Variants in IQCE observed in about 807,000 individuals in gnomAD.
IQCE encodes the protein IQ domain-containing protein E.
IQCE carries 115 observed loss-of-function variants against 96.0 expected under a neutral mutation model. That is an observed-to-expected ratio of 1.20 (90% CI 1.03 to 1.40). The LOEUF (loss-of-function observed/expected upper bound fraction) is 1.40, where lower values mean the gene tolerates loss of function less well. IQCE is among the 40% of genes most tolerant of loss of function. The pLI, the probability that IQCE is intolerant of heterozygous loss-of-function variation, is 0.00. For missense variants in IQCE, 1,041 were observed against 909.1 expected (o/e 1.15, Z -1.87); for synonymous variants, 412 against 371.2 (o/e 1.11, Z -1.26).
At chr7:2,606,031 C>A in intron 20 of IQCE, 34 bp downstream of exon 20, 1 of 1,584,474 alleles carries the variant, frequency 6.3e-7, no homozygotes, top group Non-Finnish European at 8.6e-7. Context: ...GGGACACAGA[C>A]ATGGCACGAG....
chr7:2,592,487 C>G (rs573334212), intron 14 of IQCE, among the ~76,000 whole-genome samples: 180 of 152,370 alleles, frequency 1.2e-3, no homozygotes, highest in African/African-American at 4.2e-3. Flanking sequence ...CAGAGACTCA[C>G]AGGCCCTGAG....
chr7:2,571,470 G>A (rs1418026102), intron 3 of IQCE, 56 bp from the exon 4 acceptor site: 2 of 1,599,398 alleles, frequency 1.3e-6, no homozygotes, highest in Non-Finnish European at 1.7e-6. Flanking sequence ...AAGTTCATGT[G>A]TTGAGCTCAC....
At chr7:2,561,237 C>T (rs570306083) in intron 1 of IQCE, among the ~76,000 whole-genome samples, 83 of 152,214 alleles carry the variant, frequency 5.5e-4, no homozygotes, top group African/African-American at 1.9e-3. Context: ...GGATTACAGG[C>T]GTGAGCCATT....
At chr7:2,595,376 A>G (rs1425293189) in intron 16 of IQCE, among the ~76,000 whole-genome samples, 1 of 152,074 alleles carries the variant, frequency 6.6e-6, no homozygotes, top group Non-Finnish European at 1.5e-5. Flanking sequence ...TCCAGAACAC[A>G]AGTTGGCAAA....
In IQCE at chr7:2,578,235, TC is replaced by T. The variant is rs774645908; in HGVS notation, c.466-6del. 82 of 1,609,526 alleles carry T rather than the reference TC, an allele frequency of 5.1e-5. No individual in the cohort carries two copies. In the East Asian group the frequency reaches 8.9e-4, roughly 17 times the overall value. ...GGATGGCTGTGCATGGCCCTTGTTT[TC>T]TTCAGTCATTGCACGTGCAGAAGAG... On this transcript the variant is annotated splice_region_variant and splice_polypyrimidine_tract_variant and intron_variant, in intron 6 of 21. Coordinates refer to ENST00000402050, the MANE Select transcript of IQCE (RefSeq NM_152558.5).
chr7:2,608,153 G>T (rs916562629), intron 21 of IQCE, among the ~76,000 whole-genome samples: 6 of 152,224 alleles, frequency 3.9e-5, no homozygotes, highest in African/African-American at 7.2e-5. Flanking sequence ...TAATTTGAAT[G>T]TCCCTTCAGG....
chr7:2,580,837 CTGAGGGGCACGCAAGCGGAAACAGGA>C (rs1364061262), intron 8 of IQCE, among the ~76,000 whole-genome samples: 2 of 152,166 alleles, frequency 1.3e-5, no homozygotes, highest in African/African-American at 2.4e-5. Context: ...GAACCAGGTG[CTGAGGGGCACGCAAGCGGAAACAGGA>C]TTTGGTTGGC....
intron 19 of IQCE, among the ~76,000 whole-genome samples, chr7:2,605,342 C>T (rs1027207450): frequency 9.2e-5 from 14 of 152,158 alleles, no homozygotes; most frequent in African/African-American, 2.2e-4. Flanking sequence ...TATAGTAGGC[C>T]GGGCGCGGTG....
rs1785223305 is a variant in IQCE, at chr7:2,614,571, G to T, written c.*4409G>T. 1 of 152,258 alleles carries T rather than the reference G, an allele frequency of 6.6e-6. No individual in the cohort carries two copies. Among genetic ancestry groups the T allele is most frequent in the African/African-American group, 2.4e-5 (1 of 41,462 alleles). 9.4% of individuals were successfully genotyped at this position (152,258 alleles called of 1,614,324 possible). ...TGTCAAGATGGCTTAGGAGAGGAAG[G>T]AGTGGACCCGCTGGTCTTTGGCATT... On this transcript the variant is annotated 3_prime_UTR_variant, in exon 22 of 22. Coordinates refer to ENST00000402050, the MANE Select transcript of IQCE (RefSeq NM_152558.5).
intron 8 of IQCE, among the ~76,000 whole-genome samples, chr7:2,581,463 C>T (rs934375973): frequency 6.6e-6 from 1 of 151,800 alleles, no homozygotes; most frequent in African/African-American, 2.4e-5. Context: ...GCCTTGGCTT[C>T]CCAAAGTGCT....
chr7:2,605,774 T>G (rs1364685608), intron 19 of IQCE, 102 bp from the exon 20 acceptor site: 1 of 1,242,154 alleles, frequency 8.1e-7, no homozygotes, highest in Non-Finnish European at 1.1e-6. Context: ...GAAACTGAGC[T>G]CTTCCTGTCT....
At chr7:2,572,671 C>T (rs1217165766) in intron 5 of IQCE, 1 of 475,608 alleles carries the variant, frequency 2.1e-6, no homozygotes. Flanking sequence ...CCAAGTCGCA[C>T]CAAAGAGAAT....
In IQCE at chr7:2,612,040, A is replaced by G. The variant is rs373740775; in HGVS notation, c.*1878A>G. The G allele has an allele frequency of 1.1e-4, 17 of 152,242 alleles. 1 individual carries two copies. In the East Asian group the frequency reaches 1.7e-3, roughly 16 times the overall value. 9.4% of individuals were successfully genotyped at this position (152,242 alleles called of 1,614,324 possible). ...CCCTGAGAAAGTGAGACACCTGCAC[A>G]TTCGCTGGGGGAGACCCTCCGTTCT... On this transcript the variant is annotated 3_prime_UTR_variant, in exon 22 of 22. Transcript: ENST00000402050.
In IQCE at chr7:2,559,027, T is replaced by G; in HGVS notation, c.-155T>G. On this transcript the variant is annotated 5_prime_UTR_variant, in exon 1 of 22. Transcript: ENST00000402050. ...GGGGAACGCAGGTCGCTTACCCGGC[T>G]GGGTAGGTCGGCGGCCTGGTTGCCA... 2 of 355,726 alleles carry G rather than the reference T, an allele frequency of 5.6e-6. No individual in the cohort carries two copies. The highest frequency in any genetic ancestry group is 4.6e-5 in the East Asian group (1 of 21,870). 22.0% of individuals were successfully genotyped at this position (355,726 alleles called of 1,614,324 possible).
chr7:2,601,080 T>C (rs1784399843), intron 17 of IQCE, among the ~76,000 whole-genome samples: 1 of 152,204 alleles, frequency 6.6e-6, no homozygotes, highest in African/African-American at 2.4e-5. Flanking sequence ...ACACCTGTGC[T>C]GTGAGAGAGC....
At chr7:2,571,499 T>A (rs1337577061) in intron 3 of IQCE, 27 bp from the exon 4 acceptor site, 2 of 1,604,654 alleles carry the variant, frequency 1.2e-6, no homozygotes, top group Non-Finnish European at 1.7e-6. Flanking sequence ...GTCCGGCACC[T>A]CTGAATCCAC....
chr7:2,582,140 C>T, intron 8 of IQCE: 1 of 452,578 alleles, frequency 2.2e-6, no homozygotes, highest in South Asian at 1.6e-5. Flanking sequence ...CCTCAGGCCC[C>T]TACGGCCGCG....
chr7:2,572,401 G>C, intron 5 of IQCE, 75 bp downstream of exon 5: 4 of 1,478,102 alleles, frequency 2.7e-6, no homozygotes, highest in Non-Finnish European at 3.6e-6. Context: ...GGCTGGAGGC[G>C]TCCTTCGTCA....
Position 2,589,991 on chromosome 7 carries a change from G to A in IQCE, c.1129G>A (p.Ala377Thr). 3 of 1,613,944 alleles carry A rather than the reference G, an allele frequency of 1.9e-6. No homozygotes were observed. The highest frequency in any genetic ancestry group is 2.7e-5 in the African/African-American group (2 of 75,060). ...GCCAGCCTGCCTTGCATCCAGCTCT[G>A]CGCTGCACAGACAGCCACGAGGGGA... ...HPPACLASSS[A>T]LHRQPRGDRN... is the part of the protein sequence containing the mutation. Residue 377 changes from alanine (A) to threonine (T), a missense_variant, in exon 14 of 22, where the codon GCG (alanine) becomes ACG (threonine). Ala to Thr is a moderately conservative substitution (Grantham distance 58). Transcript: ENST00000402050.
Sources: allele counts gnomAD v4.1 joint callset (sites outside exome capture counted in the v4.1 genomes callset), GRCh38; gene constraint gnomAD v4.1.1; transcripts MANE v1.5; gene names NCBI Gene and HGNC (gene_info 2026-07-23, HGNC 2026-07-21).